The following BEST3 variants were observed in gnomAD, a reference collection of about 807,000 sequenced individuals.
BEST3 encodes the protein bestrophin 3.
Under a neutral mutation model 47.1 loss-of-function variants are expected in BEST3, and 50 were observed. The ratio of observed to expected loss-of-function variants is 1.06; its 90% CI spans 0.85 to 1.34. The LOEUF is 1.34. Among genes scored for constraint, BEST3 ranks in the 40% most tolerant of loss-of-function variants. The pLI, the probability that BEST3 is intolerant of heterozygous loss-of-function variation, is 0.00. For missense variants in BEST3, 765 were observed against 817.0 expected (o/e 0.94, Z 0.78); for synonymous variants, 282 against 298.8 (o/e 0.94, Z 0.58).
chr12:69,644,147 A>T (rs1172321161), intron 9 of BEST3, among the ~76,000 whole-genome samples: 2 of 152,224 alleles, frequency 1.3e-5, no homozygotes, highest in Admixed American at 1.3e-4. Flanking sequence ...AATAAGCTCT[A>T]GGGTTGGGCT....
chr12:69,684,810 G>A (rs578237060), intron 4 of BEST3, among the ~76,000 whole-genome samples: 76 of 152,270 alleles, frequency 5.0e-4, no homozygotes, highest in Non-Finnish European at 1.9e-4. Context: ...AAAATCAAGG[G>A]GGGAGCAAAA....
At chr12:69,681,348 G>A (rs568878365) in intron 4 of BEST3, among the ~76,000 whole-genome samples, 1 of 152,266 alleles carries the variant, frequency 6.6e-6, no homozygotes, top group African/African-American at 2.4e-5. Context: ...CGGGTGCAGT[G>A]GCTCATGCCT....
chr12:69,672,694 T>C (rs1416964575), intron 8 of BEST3, among the ~76,000 whole-genome samples, 191 bp downstream of exon 8: 1 of 152,140 alleles, frequency 6.6e-6, no homozygotes, highest in Non-Finnish European at 1.5e-5. Context: ...GAACTAAATT[T>C]CACTGGAGCT....
exon 10 of BEST3, chr12:69,643,592 T>C: frequency 1.8e-6 from 1 of 563,544 alleles, no homozygotes. Flanking sequence ...CATGCCTGGA[T>C]GCTAAAAAGT....
At chr12:69,665,760 C>G (rs1030346819) in intron 9 of BEST3, among the ~76,000 whole-genome samples, 1 of 152,042 alleles carries the variant, frequency 6.6e-6, no homozygotes, top group African/African-American at 2.4e-5. Flanking sequence ...GTCTATTTAC[C>G]CCATCAATTC....
intron 2 of BEST3, 49 bp from the exon 3 acceptor site, chr12:69,694,513 A>C: frequency 1.0e-6 from 1 of 968,236 alleles, no homozygotes; most frequent in South Asian, 1.7e-5. Context: ...ATACTTCTGC[A>C]CCTGCTTTGC....
intron 8 of BEST3, among the ~76,000 whole-genome samples, chr12:69,672,326 G>A (rs934901499): frequency 6.6e-6 from 1 of 152,246 alleles, no homozygotes; most frequent in African/African-American, 2.4e-5. Context: ...TTGCCTAAAA[G>A]GAAAATTCCT....
chr12:69,666,434 C>G (rs983184865), intron 9 of BEST3, among the ~76,000 whole-genome samples: 2 of 152,230 alleles, frequency 1.3e-5, no homozygotes, highest in Admixed American at 6.5e-5. Flanking sequence ...ACCCCACACT[C>G]TCACTTAAGC....
Position 69,674,102 on chromosome 12 carries a change from T to C in BEST3, c.868-1137A>G, listed in dbSNP as rs116362563. On this transcript the variant is annotated intron_variant, in intron 7 of 9. Coordinates refer to ENST00000330891, the MANE Select transcript of BEST3 (RefSeq NM_032735.3). ...GTGAGAGAGAGAGACAGGGAGAGAGTTGGGGGAGAGGGAGATTTTACATTG... is the reference window on the plus strand; with the variant it reads ...GTGAGAGAGAGAGACAGGGAGAGAGCTGGGGGAGAGGGAGATTTTACATTG... Among the ~76,000 whole-genome samples, 1,493 of 151,484 alleles carry C rather than the reference T, an allele frequency of 9.9e-3. 27 individuals carry two copies. Among genetic ancestry groups the C allele is most frequent in the African/African-American group, 0.034 (1,414 of 41,204 alleles).
rs753618473 is a variant in BEST3 at position 69,655,512 on chromosome 12, C to T, written c.1402G>A (p.Glu468Lys). The T allele has an allele frequency of 1.2e-6, 2 of 1,614,106 alleles. No homozygotes were observed. Among genetic ancestry groups the T allele is most frequent in the Non-Finnish European group, 1.7e-6 (2 of 1,180,006 alleles). ...GSPTLHFSMG[E>K]LSTIRETSQT... Reference sequence around the variant, plus strand: ...CTGGTCTCCCTGATGGTGGACAGCTCTCCCATGCTGAAGTGCAGCGTGGGG... The same window carrying T: ...CTGGTCTCCCTGATGGTGGACAGCTTTCCCATGCTGAAGTGCAGCGTGGGG... Residue 468 changes from glutamate (E) to lysine (K), a missense_variant, in exon 10 of 10, where the codon GAG (glutamate) becomes AAG (lysine). Physicochemically the swap from Glu to Lys is moderately conservative, Grantham distance 56. Coordinates refer to ENST00000330891, the MANE Select transcript of BEST3 (RefSeq NM_032735.3).
At chr12:69,645,751 A>G (rs1480913110) in intron 9 of BEST3, among the ~76,000 whole-genome samples, 1 of 152,146 alleles carries the variant, frequency 6.6e-6, no homozygotes, top group African/African-American at 2.4e-5. Flanking sequence ...GACCGATTGA[A>G]GTGATATATA....
chr12:69,693,316 G>T (rs1335726100), intron 4 of BEST3, among the ~76,000 whole-genome samples: 1 of 139,194 alleles, frequency 7.2e-6, no homozygotes, highest in Admixed American at 7.8e-5. Flanking sequence ...GGAGTGCAGT[G>T]CTGCAATCTC....
intron 5 of BEST3, among the ~76,000 whole-genome samples, chr12:69,677,987 A>G (rs1885021309): frequency 6.6e-6 from 1 of 152,184 alleles, no homozygotes; most frequent in Non-Finnish European, 1.5e-5. Flanking sequence ...AGATCTTAGA[A>G]AAGAGATATA....
chr12:69,666,927 C>G (rs1210953209), intron 9 of BEST3, among the ~76,000 whole-genome samples: 1 of 152,176 alleles, frequency 6.6e-6, no homozygotes, highest in South Asian at 2.1e-4. Context: ...TGTGATACAC[C>G]TACTTCAGGC....
At chr12:69,659,260 C>T (rs1250962615) in intron 9 of BEST3, among the ~76,000 whole-genome samples, 1 of 152,184 alleles carries the variant, frequency 6.6e-6, no homozygotes, top group Non-Finnish European at 1.5e-5. Flanking sequence ...TGCCAACACA[C>T]ACTGTTCATC....
At chr12:69,681,259 A>C (rs1885238564) in intron 4 of BEST3, among the ~76,000 whole-genome samples, 2 of 152,184 alleles carry the variant, frequency 1.3e-5, no homozygotes, top group Admixed American at 1.3e-4. Context: ...TTTTGCCCTA[A>C]TATAACACAT....
intron 9 of BEST3, among the ~76,000 whole-genome samples, chr12:69,663,346 G>C (rs1371349900): frequency 1.3e-5 from 2 of 152,028 alleles, no homozygotes; most frequent in African/African-American, 4.8e-5. Flanking sequence ...AATTTCTTTG[G>C]GTAAAGTTAT....
chr12:69,683,293 A>T (rs1885359847), intron 4 of BEST3: 1 of 152,230 alleles, frequency 6.6e-6, no homozygotes, highest in Non-Finnish European at 1.5e-5. Flanking sequence ...TGAAAGATGA[A>T]TGACAATCAC....
Position 69,693,569 on chromosome 12 carries a change from A to T in BEST3, c.481+105T>A, listed in dbSNP as rs1265655739. The T allele has an allele frequency of 5.9e-6, 6 of 1,013,672 alleles. No homozygotes were observed. In the Admixed American group the frequency reaches 1.4e-4, roughly 24 times the overall value. 62.8% of individuals were successfully genotyped at this position (1,013,672 alleles called of 1,614,324 possible). A position where few individuals can be genotyped will look rare whatever the true frequency, so the allele number is the denominator to read the frequency against. ...CATGAGCCACCGCGCCCAACCAATAAATGTTTCTTGAGTGAATAAACAAAC... is the reference window on the plus strand; with the variant it reads ...CATGAGCCACCGCGCCCAACCAATATATGTTTCTTGAGTGAATAAACAAAC... On this transcript the variant is annotated intron_variant, in intron 4 of 9. Coordinates refer to ENST00000330891, the MANE Select transcript of BEST3 (RefSeq NM_032735.3).
Sources: gnomAD v4.1 joint callset for allele counts (sites outside exome capture counted in the v4.1 genomes callset) on GRCh38, gnomAD v4.1.1 for gene constraint, MANE v1.5 for transcripts, NCBI Gene and HGNC (gene_info 2026-07-23, HGNC 2026-07-21) for gene names.